NRG1: variants seen among roughly 807,000 people sequenced by gnomAD.
The protein encoded by NRG1 is neuregulin 1, also known as pro-neuregulin-1, membrane-bound isoform.
In NRG1, 18 loss-of-function variants were observed where a neutral mutation model predicts 63.8. That is an observed-to-expected ratio of 0.28 (90% CI 0.19 to 0.42). The LOEUF is 0.42. NRG1 is among the 10% of genes least tolerant of loss of function. The pLI is 1.00. For synonymous variants in NRG1, 302 were observed against 301.3 expected, an observed-to-expected ratio of 1.00 and a Z score of -0.02; for missense variants, 762 against 814.7, an observed-to-expected ratio of 0.94 and a Z score of 0.79.
intron 5 of NRG1, among the ~76,000 whole-genome samples, chr8:32,621,656 A>G (rs1848361967): frequency 1.3e-5 from 2 of 152,246 alleles, no homozygotes; most frequent in African/African-American, 4.8e-5. Flanking sequence ...CCGGGAAAAC[A>G]GTTGAAGTGG....
chr8:31,859,967 C>A lies in NRG1; in HGVS notation c.37+220536C>A, dbSNP rs189244733. Among the ~76,000 whole-genome samples the A allele has an allele frequency of 5.1e-4, 78 of 152,322 alleles. 1 individual carries two copies. Among genetic ancestry groups the A allele is most frequent in the African/African-American group, 1.6e-3 (68 of 41,560 alleles). ...CCAGCTCAGTGCTTAGAAACAACCCCCTCTAGCAAAACCATGCCTAGGAAA... is the reference window on the plus strand; with the variant it reads ...CCAGCTCAGTGCTTAGAAACAACCCACTCTAGCAAAACCATGCCTAGGAAA... On this transcript the variant is annotated intron_variant, in intron 1 of 10. Transcript: ENST00000519301.
chr8:31,669,950 C>T (rs1806953110), intron 1 of NRG1, among the ~76,000 whole-genome samples: 1 of 152,006 alleles, frequency 6.6e-6, no homozygotes, highest in Non-Finnish European at 1.5e-5. Flanking sequence ...TGGAGTATCT[C>T]AGGTTTCAGA....
rs1405113417 is a variant in NRG1 at position 32,366,673 on chromosome 8, GTGTGTATATATA to G, written c.38-229153_38-229142del. The stretch of plus-strand genomic sequence containing the variant: ...ATATATTGTGTGTGTGTGTGTGTGT[GTGTGTATATATA>G]TATATATATATATATATATATATAT... On this transcript the variant is annotated intron_variant, in intron 1 of 10. Transcript: ENST00000519301. 6.7e-4 allele frequency among the ~76,000 whole-genome samples: 29 copies of G among 42,976 alleles called. 1 individual carries two copies. The highest frequency in any genetic ancestry group is 1.8e-3 in the African/African-American group (21 of 11,446). 28.2% of individuals were successfully genotyped at this position (42,976 alleles called of 152,430 possible).
chr8:32,461,657 A>T (rs1587785656), intron 1 of NRG1, among the ~76,000 whole-genome samples: 1 of 152,062 alleles, frequency 6.6e-6, no homozygotes, highest in Non-Finnish European at 1.5e-5. Flanking sequence ...ATGCCGTTGC[A>T]CTCCAGCCTG....
chr8:32,331,284 T>A (rs1802615240), intron 1 of NRG1, among the ~76,000 whole-genome samples: 1 of 150,786 alleles, frequency 6.6e-6, no homozygotes, highest in African/African-American at 2.4e-5. Context: ...ATCCCAGCAC[T>A]TTGGAAGGCT....
intron 1 of NRG1, among the ~76,000 whole-genome samples, chr8:31,861,117 T>C (rs978382766): frequency 3.3e-5 from 5 of 152,104 alleles, no homozygotes; most frequent in African/African-American, 1.2e-4. Context: ...TATCTGGAAG[T>C]CAAGGGCAAG....
intron 1 of NRG1, among the ~76,000 whole-genome samples, chr8:32,511,945 G>A (rs1829271577): frequency 6.6e-6 from 1 of 152,166 alleles, no homozygotes. Flanking sequence ...GTAGAATTAA[G>A]GCAGAAGCTT....
intron 1 of NRG1, among the ~76,000 whole-genome samples, chr8:32,563,448 G>A (rs1836830165): frequency 6.6e-6 from 1 of 152,170 alleles, no homozygotes; most frequent in Non-Finnish European, 1.5e-5. Flanking sequence ...TAGTGAAAAT[G>A]TAGAAGATGG....
At chr8:31,924,637 C>A (rs1283401160) in intron 1 of NRG1, among the ~76,000 whole-genome samples, 5 of 89,708 alleles carry the variant, frequency 5.6e-5, no homozygotes. Flanking sequence ...TTCACTTTTT[C>A]TCATTTCTAT....
intron 1 of NRG1, among the ~76,000 whole-genome samples, chr8:31,857,070 G>T (rs1460600756): frequency 1.3e-5 from 2 of 152,206 alleles, no homozygotes; most frequent in Non-Finnish European, 2.9e-5. Flanking sequence ...CTTTTTGTTT[G>T]TCTGTGCCCT....
chr8:32,158,343 A>G (rs1374981804), intron 1 of NRG1, among the ~76,000 whole-genome samples: 1 of 151,150 alleles, frequency 6.6e-6, no homozygotes, highest in Non-Finnish European at 1.5e-5. Context: ...ATGAGGTAAT[A>G]GGAATTTTTT....
In NRG1 at chr8:32,263,273, A is replaced by T. The variant is rs566422707; in HGVS notation, c.38-332555A>T. Among the ~76,000 whole-genome samples, 22 of 152,310 alleles carry T rather than the reference A, an allele frequency of 1.4e-4. 1 individual carries two copies. The East Asian group carries it at 3.5e-3, about 24-fold the overall frequency. On this transcript the variant is annotated intron_variant, in intron 1 of 10. Transcript: ENST00000519301. ...GACAATAATCAGGATAGATCAGGAA[A>T]CTAACCAAGGTTACACGGACAGTAC...
At chr8:32,125,557 A>G (rs1234954225) in intron 1 of NRG1, among the ~76,000 whole-genome samples, 1 of 151,926 alleles carries the variant, frequency 6.6e-6, no homozygotes, top group Non-Finnish European at 1.5e-5. Context: ...ACCACGAAAA[A>G]TCAATTCTAA....
At chr8:31,839,674 A>G (rs913214356) in intron 1 of NRG1, among the ~76,000 whole-genome samples, 1 of 152,216 alleles carries the variant, frequency 6.6e-6, no homozygotes, top group African/African-American at 2.4e-5. Flanking sequence ...ATAACATTTT[A>G]TATTCCAGTC....
intron 1 of NRG1, among the ~76,000 whole-genome samples, chr8:31,735,740 T>C (rs945598623): frequency 6.6e-6 from 1 of 152,216 alleles, no homozygotes; most frequent in African/African-American, 2.4e-5. Context: ...ATGCAGGAAC[T>C]GCTGCTCACT....
chr8:32,241,384 G>T (rs540413770), intron 1 of NRG1, among the ~76,000 whole-genome samples: 1 of 152,224 alleles, frequency 6.6e-6, no homozygotes, highest in East Asian at 1.9e-4. Context: ...CAGTATGTTG[G>T]CTGGTAAGAA....
chr8:31,663,298 C>T (rs976241823), intron 1 of NRG1, among the ~76,000 whole-genome samples: 5 of 152,180 alleles, frequency 3.3e-5, no homozygotes, highest in African/African-American at 4.8e-5. Context: ...GTTAAGTATT[C>T]AAAACATATT....
At chr8:32,755,645 C>T (rs1160939990) in intron 8 of NRG1, among the ~76,000 whole-genome samples, 1 of 152,180 alleles carries the variant, frequency 6.6e-6, no homozygotes, top group East Asian at 1.9e-4. Flanking sequence ...ACATGGGATA[C>T]ACTCACAAAC....
chr8:31,901,617 T>A (rs1188571096), intron 1 of NRG1, among the ~76,000 whole-genome samples: 1 of 152,212 alleles, frequency 6.6e-6, no homozygotes, highest in East Asian at 1.9e-4. Context: ...TGTGCCCCTT[T>A]GGATCATGAA....
Sources: gnomAD v4.1 joint callset for allele counts (sites outside exome capture counted in the v4.1 genomes callset) on GRCh38, gnomAD v4.1.1 for gene constraint, MANE v1.5 for transcripts, NCBI Gene and HGNC (gene_info 2026-07-23, HGNC 2026-07-21) for gene names.